Variants in FRMD4B observed in about 807,000 individuals in gnomAD.
The protein encoded by FRMD4B is FERM domain-containing protein 4B.
In FRMD4B, 74 loss-of-function variants were observed where a neutral mutation model predicts 141.5. That is an observed-to-expected ratio of 0.52 (90% CI 0.43 to 0.63). The LOEUF (loss-of-function observed/expected upper bound fraction) is 0.63. Ranked by LOEUF, FRMD4B falls within the 30% of genes least tolerant of loss-of-function variation. The pLI is 0.00. For missense variants in FRMD4B, 1,366 were observed against 1,253.4 expected, an observed-to-expected ratio of 1.09 and a Z score of -1.36; for synonymous variants, 506 against 467.9, an observed-to-expected ratio of 1.08 and a Z score of -1.05.
At chr3:69,338,856 CA>C (rs563444134) in intron 1 of FRMD4B, among the ~76,000 whole-genome samples, 10 of 152,084 alleles carry the variant, frequency 6.6e-5, no homozygotes, top group African/African-American at 7.2e-5. Flanking sequence ...AAAAAACAAA[CA>C]AAAAAACCCC....
chr3:69,256,869 G>A (rs2093496383), intron 5 of FRMD4B, among the ~76,000 whole-genome samples: 1 of 152,162 alleles, frequency 6.6e-6, no homozygotes, highest in Admixed American at 6.5e-5. Context: ...GTTGTTAGAG[G>A]TAATCTTTAT....
At chr3:69,262,459 CTTTTTT>C (rs71618271) in intron 5 of FRMD4B, among the ~76,000 whole-genome samples, 4 of 86,852 alleles carry the variant, frequency 4.6e-5, no homozygotes, top group Admixed American at 1.4e-4. Context: ...ACACAAATGA[CTTTTTT>C]TTTTTTTTTT....
chr3:69,209,906 T>C (rs757480091), intron 11 of FRMD4B, among the ~76,000 whole-genome samples: 1 of 152,230 alleles, frequency 6.6e-6, no homozygotes, highest in Admixed American at 6.5e-5. Flanking sequence ...GGTATGGTCA[T>C]GGTGGAAAGA....
At chr3:69,199,595 A>G (rs115284689) in intron 11 of FRMD4B, among the ~76,000 whole-genome samples, 1 of 152,198 alleles carries the variant, frequency 6.6e-6, no homozygotes, top group Non-Finnish European at 1.5e-5. Flanking sequence ...ACAGAAACCT[A>G]GCACCAGTAA....
intron 1 of FRMD4B, among the ~76,000 whole-genome samples, chr3:69,495,321 C>T (rs1706366618): frequency 6.6e-6 from 1 of 152,208 alleles, no homozygotes; most frequent in African/African-American, 2.4e-5. Context: ...ACTGCTATTA[C>T]TTACATTAGC....
Position 69,466,860 on chromosome 3 carries a change from T to C in FRMD4B, c.-128-34099A>G, listed in dbSNP as rs183045400. Among the ~76,000 whole-genome samples, 44 of 152,232 alleles carry C rather than the reference T, an allele frequency of 2.9e-4. 1 individual carries two copies. In the East Asian group the frequency reaches 8.3e-3, roughly 29 times the overall value. On this transcript the variant is annotated intron_variant, in intron 1 of 5. Coordinates refer to the FRMD4B transcript ENST00000459638. ...ATAGGCATGTACCACCACACCCAGC[T>C]AATTTTTTATTTTTATTTTTTTGTA...
chr3:69,412,012 G>C (rs1337687679), intron 2 of FRMD4B, among the ~76,000 whole-genome samples: 2 of 152,174 alleles, frequency 1.3e-5, no homozygotes, highest in Non-Finnish European at 2.9e-5. Context: ...AGTAAAAACA[G>C]GTAACATTTA....
chr3:69,191,336 C>T (rs566438320), intron 17 of FRMD4B, among the ~76,000 whole-genome samples: 1 of 152,198 alleles, frequency 6.6e-6, no homozygotes, highest in South Asian at 2.1e-4. Flanking sequence ...AGGAGAATTG[C>T]TTGAACCTGG....
intron 1 of FRMD4B, among the ~76,000 whole-genome samples, chr3:69,532,880 T>C (rs1199468090): frequency 1.3e-5 from 2 of 152,224 alleles, no homozygotes; most frequent in Non-Finnish European, 2.9e-5. Context: ...AGCTAGAAGA[T>C]GGATGCTGGT....
chr3:69,252,609 A>G (rs1039374569), intron 5 of FRMD4B, among the ~76,000 whole-genome samples: 10 of 152,178 alleles, frequency 6.6e-5, no homozygotes, highest in African/African-American at 2.2e-4. Flanking sequence ...TAAACAATAC[A>G]TTATTCAGGT....
At chr3:69,485,427 C>T (rs1356989467) in intron 1 of FRMD4B, among the ~76,000 whole-genome samples, 1 of 152,134 alleles carries the variant, frequency 6.6e-6, no homozygotes. Context: ...AGCAGGAGGC[C>T]CAGATCCGCA....
At chr3:69,505,122 C>G (rs1295313159) in intron 1 of FRMD4B, among the ~76,000 whole-genome samples, 2 of 152,104 alleles carry the variant, frequency 1.3e-5, no homozygotes, top group Non-Finnish European at 2.9e-5. Context: ...ATAATCCCAG[C>G]ATTTTGGGAG....
At chr3:69,430,263 C>T (rs1006380951) in intron 2 of FRMD4B, among the ~76,000 whole-genome samples, 1 of 152,150 alleles carries the variant, frequency 6.6e-6, no homozygotes, top group African/African-American at 2.4e-5. Context: ...TGAATCCCAG[C>T]CACCTCCCCA....
intron 1 of FRMD4B, among the ~76,000 whole-genome samples, chr3:69,331,940 T>G (rs1702382120): frequency 6.6e-6 from 1 of 151,890 alleles, no homozygotes; most frequent in Non-Finnish European, 1.5e-5. Flanking sequence ...ATACAAAAAT[T>G]AGCCTAGCGC....
chr3:69,514,253 C>T (rs562315879), intron 1 of FRMD4B, among the ~76,000 whole-genome samples: 5 of 152,052 alleles, frequency 3.3e-5, no homozygotes, highest in Admixed American at 1.3e-4. Context: ...TTTCTATACA[C>T]TTACAATGAA....
At position 69,217,372 on chromosome 3, in the gene FRMD4B, G is replaced by GC. The variant is rs11413250; in HGVS notation, c.789+949dup. 6.0e-3 allele frequency among the ~76,000 whole-genome samples: 915 copies of GC among 152,266 alleles called. 9 individuals are homozygous for GC. The highest frequency in any genetic ancestry group is 0.021 in the African/African-American group (882 of 41,542). ...GTGGTGGTTCATGCCTGTAATCCCA[G>GC]CACTTTGGGAGCCTGAGGCAGGTGG... On this transcript the variant is annotated intron_variant, in intron 10 of 22. Transcript: ENST00000398540.
intron 11 of FRMD4B, 93 bp downstream of exon 11, chr3:69,216,170 A>C: frequency 2.8e-6 from 2 of 714,064 alleles, no homozygotes; most frequent in Non-Finnish European, 4.8e-6. Context: ...AACCAAAAAA[A>C]CCCCAACAAC....
chr3:69,238,646 T>C (rs914948156), intron 7 of FRMD4B, among the ~76,000 whole-genome samples: 24 of 152,028 alleles, frequency 1.6e-4, no homozygotes, highest in African/African-American at 5.8e-4. Flanking sequence ...TAATCAGACG[T>C]GGGGTACACA....
intron 1 of FRMD4B, among the ~76,000 whole-genome samples, chr3:69,513,035 G>C (rs1056610446): frequency 4.0e-5 from 6 of 151,786 alleles, no homozygotes; most frequent in African/African-American, 1.5e-4. Context: ...TAAATGCAAA[G>C]CTAACCAAAG....
Sources: gnomAD v4.1 joint callset for allele counts (sites outside exome capture counted in the v4.1 genomes callset) on GRCh38, gnomAD v4.1.1 for gene constraint, MANE v1.5 for transcripts, NCBI Gene and HGNC (gene_info 2026-07-23, HGNC 2026-07-21) for gene names.